Variants in CSMD1 observed in about 807,000 individuals in gnomAD.
The protein encoded by CSMD1 is CUB and sushi domain-containing protein 1.
CSMD1 carries 213 observed loss-of-function variants against 417.5 expected under a neutral mutation model. That is an observed-to-expected ratio of 0.51 (90% CI 0.46 to 0.57). The LOEUF is 0.57. Ranked by LOEUF, CSMD1 falls within the 20% of genes least tolerant of loss-of-function variation. The pLI is 0.00. For missense variants in CSMD1, 6,923 were observed against 4,529.7 expected (o/e 1.53, Z -15.17); for synonymous variants, 2,862 against 1,736.8 (o/e 1.65, Z -16.11).
At position 3,201,724 on chromosome 8, in the gene CSMD1, C is replaced by A. The variant is rs1250837936; in HGVS notation, c.4986G>T (p.Val1662=). The A allele has an allele frequency of 4.4e-6, 7 of 1,582,230 alleles. No homozygotes were observed. The Admixed American group carries it at 1.1e-4, about 24-fold the overall frequency. ...GGAAATAGGCAAACTGTCCAAAGAC[C>A]ACTAAAAAATAAGAGGTGGGATGTT... is the stretch of plus-strand genomic sequence containing the variant. ...LYSITVPKEF[V]VFGQFAYFQT... is the part of the protein sequence containing the mutation. Residue 1662 remains valine (V), a splice_region_variant and synonymous_variant, in exon 32 of 70, where the codon GTG becomes GTT. Coordinates refer to ENST00000635120, the MANE Select transcript of CSMD1 (RefSeq NM_033225.6).
chr8:3,542,035 TGTTA>T (rs1438371208), intron 10 of CSMD1, among the ~76,000 whole-genome samples: 2 of 152,164 alleles, frequency 1.3e-5, no homozygotes, highest in Non-Finnish European at 2.9e-5. Flanking sequence ...AAATATTTGT[TGTTA>T]ATTATCTACT....
At chr8:3,434,940 G>T (rs1318854188) in intron 12 of CSMD1, among the ~76,000 whole-genome samples, 1 of 152,228 alleles carries the variant, frequency 6.6e-6, no homozygotes, top group African/African-American at 2.4e-5. Flanking sequence ...AGTCAGCACA[G>T]TTCCCATGTG....
intron 1 of CSMD1, among the ~76,000 whole-genome samples, chr8:4,781,449 T>C (rs543385332): frequency 2.6e-5 from 4 of 152,338 alleles, no homozygotes; most frequent in South Asian, 2.1e-4. Context: ...ACCGTCATCT[T>C]ATCTGATGTT....
chr8:4,948,004 C>T lies in CSMD1; in HGVS notation c.85+46328G>A, dbSNP rs143102356. On this transcript the variant is annotated intron_variant, in intron 1 of 69. Coordinates refer to ENST00000635120, the MANE Select transcript of CSMD1 (RefSeq NM_033225.6). ...AAAAATCTGCTGTATGAACTTTCTT[C>T]CACATGTCAGCTTGTGTTACACATT... is the stretch of plus-strand genomic sequence containing the variant. 5.7e-3 allele frequency among the ~76,000 whole-genome samples: 860 copies of T among 152,090 alleles called. 3 individuals are homozygous for T. Among genetic ancestry groups the T allele is most frequent in the African/African-American group, 0.02 (810 of 41,524 alleles).
At chr8:3,529,163 G>A (rs560974741) in intron 10 of CSMD1, among the ~76,000 whole-genome samples, 1 of 152,188 alleles carries the variant, frequency 6.6e-6, no homozygotes, top group East Asian at 1.9e-4. Flanking sequence ...CAATACATAC[G>A]CTACTGATTT....
At chr8:3,860,055 C>T (rs1041290064) in intron 5 of CSMD1, among the ~76,000 whole-genome samples, 3 of 152,068 alleles carry the variant, frequency 2.0e-5, no homozygotes, top group East Asian at 3.9e-4. Flanking sequence ...TGCCCTTGCG[C>T]TTTGCAGTAT....
chr8:4,255,951 G>A (rs1401853699), intron 3 of CSMD1, among the ~76,000 whole-genome samples: 1 of 152,136 alleles, frequency 6.6e-6, no homozygotes, highest in Non-Finnish European at 1.5e-5. Context: ...AGCCTAACGT[G>A]GTGTCCAATA....
chr8:3,841,323 T>G (rs1030476389), intron 5 of CSMD1, among the ~76,000 whole-genome samples: 8 of 152,190 alleles, frequency 5.3e-5, no homozygotes, highest in Non-Finnish European at 8.8e-5. Context: ...CAAAATAAAT[T>G]GGCATCAAGT....
intron 2 of CSMD1, among the ~76,000 whole-genome samples, chr8:4,501,164 G>C (rs1405622820): frequency 2.0e-5 from 3 of 152,038 alleles, no homozygotes; most frequent in Non-Finnish European, 4.4e-5. Context: ...ATATGTTTAT[G>C]TGTATGCATA....
intron 52 of CSMD1, among the ~76,000 whole-genome samples, chr8:3,007,678 A>T (rs947813269): frequency 1.3e-5 from 2 of 150,120 alleles, no homozygotes; most frequent in Non-Finnish European, 1.5e-5. Context: ...AGAACAAAAA[A>T]CCAAACACCG....
intron 2 of CSMD1, among the ~76,000 whole-genome samples, chr8:4,444,093 G>A (rs1341054352): frequency 1.3e-5 from 2 of 152,046 alleles, no homozygotes; most frequent in African/African-American, 2.4e-5. Context: ...TGTAACCCCA[G>A]CACTTTGGGA....
chr8:4,240,190 C>A (rs1802306479), intron 3 of CSMD1, among the ~76,000 whole-genome samples: 1 of 152,212 alleles, frequency 6.6e-6, no homozygotes, highest in Admixed American at 6.5e-5. Context: ...CTGAGGTTCC[C>A]ATAACTGTGA....
intron 3 of CSMD1, among the ~76,000 whole-genome samples, chr8:4,193,068 A>T (rs546579364): frequency 6.6e-6 from 1 of 152,178 alleles, no homozygotes; most frequent in Non-Finnish European, 1.5e-5. Flanking sequence ...ATCTTATTTG[A>T]AATACATCTT....
chr8:3,791,476 T>C (rs1045049078), intron 5 of CSMD1, among the ~76,000 whole-genome samples: 1 of 152,222 alleles, frequency 6.6e-6, no homozygotes, highest in Non-Finnish European at 1.5e-5. Flanking sequence ...ATACGTTCTT[T>C]AGTTGAATAA....
intron 7 of CSMD1, among the ~76,000 whole-genome samples, chr8:3,648,026 A>T (rs1797663553): frequency 6.6e-6 from 1 of 152,222 alleles, no homozygotes; most frequent in South Asian, 2.1e-4. Flanking sequence ...TGTGCAGCTA[A>T]TCAATGAACC....
chr8:3,433,176 T>G (rs760128290), intron 12 of CSMD1, among the ~76,000 whole-genome samples: 1 of 152,196 alleles, frequency 6.6e-6, no homozygotes, highest in Non-Finnish European at 1.5e-5. Context: ...ATGAATGAAA[T>G]AGAAATAAAC....
At chr8:3,160,302 T>C (rs772281435) in intron 38 of CSMD1, among the ~76,000 whole-genome samples, 5 of 152,116 alleles carry the variant, frequency 3.3e-5, no homozygotes, top group Admixed American at 6.5e-5. Context: ...TTTGTATTTT[T>C]TGTAGAGATG....
intron 1 of CSMD1, among the ~76,000 whole-genome samples, chr8:4,779,664 A>T (rs1181317802): frequency 6.6e-6 from 1 of 152,188 alleles, no homozygotes; most frequent in Non-Finnish European, 1.5e-5. Flanking sequence ...ATTTTTATAA[A>T]TAGTCTCCAT....
chr8:3,719,299 G>A (rs868347158), intron 6 of CSMD1, among the ~76,000 whole-genome samples: 3 of 152,032 alleles, frequency 2.0e-5, no homozygotes, highest in Non-Finnish European at 2.9e-5. Flanking sequence ...CTGCCCTAGA[G>A]GCCCAGATAG....
Sources: allele counts gnomAD v4.1 joint callset (sites outside exome capture counted in the v4.1 genomes callset), GRCh38; gene constraint gnomAD v4.1.1; transcripts MANE v1.5; gene names NCBI Gene and HGNC (gene_info 2026-07-23, HGNC 2026-07-21).